Variants in REXO1 observed in about 807,000 individuals in gnomAD.
REXO1 encodes RNA exonuclease 1 homolog, also known as REX1, RNA exonuclease 1 homolog.
Under a neutral mutation model 102.6 loss-of-function variants are expected in REXO1, and 42 were observed. That is an observed-to-expected ratio of 0.41 (90% confidence interval 0.32 to 0.53). REXO1 has a LOEUF of 0.53. REXO1 is among the 20% of genes least tolerant of loss of function. REXO1 has a pLI of 0.27. For missense variants in REXO1, 1,819 were observed against 1,732.5 expected, an observed-to-expected ratio of 1.05 and a Z score of -0.89; for synonymous variants, 908 against 779.1, an observed-to-expected ratio of 1.17 and a Z score of -2.76.
chr19:1,840,363 G>T (rs2011225524), intron 1 of REXO1, among the ~76,000 whole-genome samples: 1 of 152,192 alleles, frequency 6.6e-6, no homozygotes, highest in African/African-American at 2.4e-5. Context: ...TGTGGGAACA[G>T]GAAGAGACTC....
Position 1,816,247 on chromosome 19 carries a change from G to T in REXO1, c.3555C>A (p.Leu1185=). The change falls in exon 15 of 16, where the codon CTC becomes CTA. Residue 1185 remains leucine (L), a synonymous_variant. Transcript: ENST00000170168. ...RSLRNLMADY[L]RQIIQDNVDG... is the part of the protein sequence containing the mutation. ...CACCATTGTCCTGGATGATCTGTCTGAGGTAGTCGGCCATGAGGTTCCGCA... is the reference window on the plus strand; with the variant it reads ...CACCATTGTCCTGGATGATCTGTCTTAGGTAGTCGGCCATGAGGTTCCGCA... The T allele has an allele frequency of 6.3e-7, 1 of 1,589,188 alleles. No individual in the cohort carries two copies. Among genetic ancestry groups the T allele is most frequent in the Non-Finnish European group, 8.6e-7 (1 of 1,167,942 alleles).
intron 3 of REXO1, chr19:1,824,168 C>T (rs777595382): frequency 3.2e-5 from 6 of 187,228 alleles, no homozygotes; most frequent in Non-Finnish European, 5.5e-5. Context: ...CTGCTGACCC[C>T]GGAGCCAGGC....
intron 7 of REXO1, 88 bp downstream of exon 7, chr19:1,819,846 G>A (rs1428165664): frequency 2.2e-6 from 3 of 1,344,000 alleles, no homozygotes; most frequent in Non-Finnish European, 2.0e-6. Context: ...GCTGAGCTCA[G>A]GGCTGTGAAG....
intron 1 of REXO1, among the ~76,000 whole-genome samples, chr19:1,838,034 G>A (rs957990389): frequency 9.2e-5 from 14 of 152,212 alleles, no homozygotes; most frequent in African/African-American, 1.4e-4. Context: ...CAGGCTGGGC[G>A]CAGTAGCTCA....
chr19:1,818,995 G>A, intron 8 of REXO1, 23 bp downstream of exon 8: 1 of 1,589,714 alleles, frequency 6.3e-7, no homozygotes, highest in Non-Finnish European at 8.6e-7. Flanking sequence ...GCACCGTGTG[G>A]CAGAGCAGGG....
chr19:1,831,957 G>A (rs1221064846), intron 1 of REXO1, among the ~76,000 whole-genome samples: 1 of 150,648 alleles, frequency 6.6e-6, no homozygotes, highest in African/African-American at 2.4e-5. Flanking sequence ...AGCCTCCCCA[G>A]GTAAGTCCCC....
rs1006201538 is a variant in REXO1, at chr19:1,848,026, A to G, written c.157+176T>C. ...TGAAGACGAAGGCTTAGGGACATCT[A>G]GTGCTTTGCACCGGGTCCCAGGGTG... On this transcript the variant is annotated intron_variant, in intron 1 of 15. Transcript: ENST00000170168. Among the ~76,000 whole-genome samples, 6 of 152,312 alleles carry G rather than the reference A, an allele frequency of 3.9e-5. No homozygotes were observed. In the South Asian group the frequency reaches 1.2e-3, roughly 32 times the overall value.
In REXO1 at chr19:1,815,618, C is replaced by CA; in HGVS notation, c.*447dup. On this transcript the variant is annotated 3_prime_UTR_variant, in exon 16 of 16. Transcript: ENST00000170168. This position sits in a 1 kb window ranked among gnomAD's most constrained non-coding sequence, Gnocchi z 4.0. ...TCTTCCCGGTGGGAAAGATGCTGTG[C>CA]AAGTCATCAGGTTTAAATTAAAAAT... 1 of 1,069,414 alleles carries CA rather than the reference C, an allele frequency of 9.4e-7. No homozygotes were observed. Among genetic ancestry groups the CA allele is most frequent in the Non-Finnish European group, 1.2e-6 (1 of 843,518 alleles). The allele number at this position is 1,069,414 out of a possible 1,614,324, so 66.2% of individuals were successfully genotyped here.
At chr19:1,817,108 A>G (rs1225875477) in intron 12 of REXO1, 111 bp downstream of exon 12, 1 of 1,316,254 alleles carries the variant, frequency 7.6e-7, no homozygotes, top group Admixed American at 2.3e-5. Flanking sequence ...TGCGAGAGAA[A>G]CCCTGAGCGC....
At chr19:1,847,433 A>T (rs1316702322) in intron 1 of REXO1, among the ~76,000 whole-genome samples, 1 of 152,178 alleles carries the variant, frequency 6.6e-6, no homozygotes, top group African/African-American at 2.4e-5. Context: ...CTATCAAGGG[A>T]CAGAGGTAAC....
At chr19:1,822,794 CG>C (rs1568688192) in intron 4 of REXO1, 2 of 152,238 alleles carry the variant, frequency 1.3e-5, no homozygotes, top group African/African-American at 4.8e-5. Context: ...GGGGAATCGC[CG>C]GGGCTGGCCC....
chr19:1,816,608 G>C (rs2069371504), intron 13 of REXO1, 39 bp from the exon 14 acceptor site: 1 of 1,443,874 alleles, frequency 6.9e-7, no homozygotes, highest in Non-Finnish European at 9.4e-7. Flanking sequence ...GGCTCAGCCT[G>C]GAAGCACTGG....
rs2069754362 is a variant in REXO1 at position 1,827,141 on chromosome 19, A to C, written c.1648T>G (p.Ser550Ala). 1.9e-6 allele frequency: 3 copies of C among 1,542,170 alleles called. No individual in the cohort carries two copies. In the Admixed American group the frequency reaches 5.9e-5, roughly 30 times the overall value. ...AGGCTGGAGTCTGAGTCGGAGTCTG[A>C]GTCCGAGCTGAGGCTGGGGAGGGCA... ...PSALPSLSSDSDSDSDSSLGF... is the reference protein window; with the variant it reads ...PSALPSLSSDADSDSDSSLGF... Residue 550 changes from serine (S) to alanine (A), a missense_variant, in exon 2 of 16, where the codon TCA (serine) becomes GCA (alanine). Coordinates refer to ENST00000170168, the MANE Select transcript of REXO1 (RefSeq NM_020695.4).
intron 1 of REXO1, among the ~76,000 whole-genome samples, chr19:1,831,182 C>A (rs2069890661): frequency 1.3e-5 from 2 of 152,244 alleles, no homozygotes; most frequent in South Asian, 4.1e-4. Flanking sequence ...TGCTGACACA[C>A]ATCCCCGACA....
chr19:1,828,357 G>C lies in REXO1; in HGVS notation c.432C>G (p.Ala144=). The change falls in exon 2 of 16, where the codon GCC becomes GCG. Residue 144 remains alanine (A), a synonymous_variant. Coordinates refer to ENST00000170168, the MANE Select transcript of REXO1 (RefSeq NM_020695.4). ...ASPTVGPDED[A]FPLAFDYSPG... is the part of the protein sequence containing the mutation. ...GGCTGTAGTCGAAGGCCAGTGGGAA[G>C]GCATCCTCGTCCGGGCCCACAGTGG... 6.2e-7 allele frequency: 1 copy of C among 1,609,832 alleles called. No homozygotes were observed. Among genetic ancestry groups the C allele is most frequent in the Non-Finnish European group, 8.5e-7 (1 of 1,178,390 alleles).
At chr19:1,831,391 G>C (rs980606666) in intron 1 of REXO1, among the ~76,000 whole-genome samples, 3 of 152,150 alleles carry the variant, frequency 2.0e-5, no homozygotes, top group African/African-American at 7.2e-5. Flanking sequence ...CCCACAGCGT[G>C]CTAAGACTTC....
chr19:1,844,244 GCCTCC>G (rs1270364107), intron 1 of REXO1, among the ~76,000 whole-genome samples: 1 of 152,250 alleles, frequency 6.6e-6, no homozygotes, highest in Non-Finnish European at 1.5e-5. Context: ...CAGGTGAGCA[GCCTCC>G]CGGCGCTGGG....
rs769418619 is a variant in REXO1, at chr19:1,820,236, C to T, written c.2526+28G>A. The T allele has an allele frequency of 4.9e-5, 79 of 1,601,190 alleles. No individual in the cohort carries two copies. The East Asian group carries it at 5.4e-4, about 11-fold the overall frequency. On this transcript the variant is annotated intron_variant, in intron 6 of 15. Transcript: ENST00000170168. ...CCTGGACCCCTAGTCCCCACCCGAC[C>T]GGCCAGATAGGAACTCCAGGACCTC...
chr19:1,843,307 AG>A (rs1265398443), intron 1 of REXO1, among the ~76,000 whole-genome samples: 1 of 151,412 alleles, frequency 6.6e-6, no homozygotes, highest in Non-Finnish European at 1.5e-5. Context: ...AGCTGGGCAA[AG>A]CTTCAACCCC....
Sources: gnomAD v4.1 joint callset for allele counts (sites outside exome capture counted in the v4.1 genomes callset) on GRCh38, gnomAD v4.1.1 for gene constraint, Gnocchi (gnomAD v3.1) non-coding constraint, MANE v1.5 for transcripts, NCBI Gene and HGNC (gene_info 2026-07-23, HGNC 2026-07-21) for gene names.